RBBP8: variants seen among roughly 807,000 people sequenced by gnomAD.
RBBP8 encodes the protein RB binding protein 8, endonuclease.
In RBBP8, 88 loss-of-function variants were observed where a neutral mutation model predicts 108.3. The ratio of observed to expected loss-of-function variants is 0.81; its 90% confidence interval spans 0.68 to 0.97. The LOEUF (loss-of-function observed/expected upper bound fraction) is 0.97, where lower values mean the gene tolerates loss of function less well. Among genes scored for constraint, RBBP8 ranks in the 50% least tolerant of loss-of-function variants. The pLI is 0.00. For missense variants in RBBP8, 1,023 were observed against 1,049.0 expected (o/e 0.98, Z 0.34); for synonymous variants, 332 against 348.2 (o/e 0.95, Z 0.52).
At chr18:22,952,925 A>G (rs970707178) in intron 4 of RBBP8, among the ~76,000 whole-genome samples, 1 of 152,196 alleles carries the variant, frequency 6.6e-6, no homozygotes, top group African/African-American at 2.4e-5. Flanking sequence ...TAACGCCAAG[A>G]GATTAGGAAT....
At chr18:22,961,985 C>G (rs1913142682) in intron 4 of RBBP8, among the ~76,000 whole-genome samples, 1 of 152,192 alleles carries the variant, frequency 6.6e-6, no homozygotes, top group South Asian at 2.1e-4. Flanking sequence ...AATTACCTTC[C>G]TAATTTCTGA....
intron 10 of RBBP8, 112 bp downstream of exon 10, chr18:22,991,161 G>C: frequency 2.4e-6 from 2 of 828,026 alleles, no homozygotes; most frequent in South Asian, 2.9e-5. Context: ...TGTTATTGTG[G>C]TTATATAAAT....
intron 5 of RBBP8, 150 bp downstream of exon 5, chr18:22,969,068 G>A: frequency 1.6e-6 from 1 of 631,810 alleles, no homozygotes; most frequent in South Asian, 1.9e-5. Flanking sequence ...ACTTTTTGTA[G>A]ATTTAATCTC....
rs553271641 is a variant in RBBP8, at chr18:23,001,729, A to G, written c.2287A>G (p.Thr763Ala). ...ELSTATKKLH[T>A]HGDKQDKVKQ... is the part of the protein sequence containing the mutation. ...GTCTACTGCCACAAAGAAACTACAC[A>G]GTAAGATTTTTTTCTGTTTAATTAT... Residue 763 changes from threonine to alanine, a missense_variant and splice_region_variant, in exon 15 of 19, where the codon ACT (threonine) becomes GCT (alanine). Coordinates refer to ENST00000327155, the MANE Select transcript of RBBP8 (RefSeq NM_002894.3). 17 of 1,614,172 alleles carry G rather than the reference A, an allele frequency of 1.1e-5. No individual in the cohort carries two copies. In the South Asian group the frequency reaches 1.4e-4, roughly 14 times the overall value.
chr18:22,958,337 T>C (rs4800442), intron 4 of RBBP8, among the ~76,000 whole-genome samples: 74,729 of 152,156 alleles, frequency 0.49, 21,720 homozygotes, highest in Middle Eastern at 0.67. Context: ...AAATTGTTTC[T>C]AATGTCCAGA....
intron 18 of RBBP8, among the ~76,000 whole-genome samples, chr18:23,023,929 A>C (rs1428780754): frequency 7.6e-6 from 1 of 132,140 alleles, no homozygotes; most frequent in Non-Finnish European, 1.5e-5. Flanking sequence ...CTGGAGTGCA[A>C]ATGGCACAAT....
rs369347618 is a variant in RBBP8, at chr18:23,022,273, G to A, written c.2596+3G>A. 5.9e-5 allele frequency: 94 copies of A among 1,605,212 alleles called. No homozygotes were observed. The African/African-American group carries it at 1.0e-3, about 18-fold the overall frequency. On this transcript the variant is annotated splice_donor_region_variant and intron_variant, in intron 18 of 18. Coordinates refer to ENST00000327155, the MANE Select transcript of RBBP8 (RefSeq NM_002894.3). ...CACTCAGACTTGTATGGAAAGAGGTGAGAGTATAGATTGTAACATTTTATA... is the reference window on the plus strand; with the variant it reads ...CACTCAGACTTGTATGGAAAGAGGTAAGAGTATAGATTGTAACATTTTATA...
At chr18:22,934,463 A>G (rs1327433954) in intron 1 of RBBP8, among the ~76,000 whole-genome samples, 3 of 152,186 alleles carry the variant, frequency 2.0e-5, no homozygotes, top group Non-Finnish European at 2.9e-5. Flanking sequence ...TTGACTTAAT[A>G]GAAATCGTTT....
At chr18:22,994,014 C>CTTTTTTTTTTTTTTTTT (rs777055614) in intron 12 of RBBP8, among the ~76,000 whole-genome samples, 167 bp downstream of exon 12, 1 of 75,104 alleles carries the variant, frequency 1.3e-5, no homozygotes, top group Non-Finnish European at 2.3e-5. Context: ...TTTTTCTGTT[C>CTTTTTTTTTTTTTTTTT]TTTTTTTTTT....
At chr18:22,953,354 A>G (rs1418510363) in intron 4 of RBBP8, among the ~76,000 whole-genome samples, 6 of 152,224 alleles carry the variant, frequency 3.9e-5, no homozygotes, top group Non-Finnish European at 7.3e-5. Context: ...ATGACTGGCC[A>G]ACTTATATTG....
At chr18:22,925,292 T>C (rs551488790) in intron 3 of RBBP8, among the ~76,000 whole-genome samples, 2 of 152,228 alleles carry the variant, frequency 1.3e-5, no homozygotes, top group Non-Finnish European at 2.9e-5. Context: ...GATTATAACT[T>C]ACATAAAACT....
chr18:22,978,049 T>C (rs927325599), intron 6 of RBBP8, among the ~76,000 whole-genome samples: 2 of 152,228 alleles, frequency 1.3e-5, no homozygotes, highest in African/African-American at 4.8e-5. Flanking sequence ...AGTGGAGCAG[T>C]ACTGCCACCT....
chr18:22,994,275 G>A (rs1186515500), intron 12 of RBBP8, among the ~76,000 whole-genome samples: 4 of 148,470 alleles, frequency 2.7e-5, no homozygotes, highest in Admixed American at 6.7e-5. Context: ...CACCAGCGTC[G>A]GCCTCCCAAA....
chr18:22,956,292 A>G (rs1912532317), intron 4 of RBBP8, among the ~76,000 whole-genome samples: 1 of 152,022 alleles, frequency 6.6e-6, no homozygotes, highest in Non-Finnish European at 1.5e-5. Flanking sequence ...TAAAAGCAAC[A>G]TGTATTTTGT....
At chr18:22,920,724 A>C (rs1909560925) in intron 3 of RBBP8, 1 of 152,184 alleles carries the variant, frequency 6.6e-6, no homozygotes, top group South Asian at 2.1e-4. Context: ...TAACCTAGCA[A>C]TGTTTCTCAA....
chr18:22,976,250 A>G (rs148116406), intron 6 of RBBP8, among the ~76,000 whole-genome samples: 1,579 of 152,260 alleles, frequency 0.01, 23 homozygotes, highest in African/African-American at 0.036. Context: ...ACTGATAGCC[A>G]AAGGGAATTT....
At chr18:23,012,685 A>T (rs890261920) in intron 16 of RBBP8, among the ~76,000 whole-genome samples, 1 of 152,252 alleles carries the variant, frequency 6.6e-6, no homozygotes, top group East Asian at 1.9e-4. Flanking sequence ...AATGGCAAGT[A>T]CTGATATAGA....
intron 18 of RBBP8, among the ~76,000 whole-genome samples, chr18:23,025,933 T>C (rs540324719): frequency 1.2e-3 from 179 of 152,342 alleles, no homozygotes; most frequent in African/African-American, 4.0e-3. Flanking sequence ...AGATGATATA[T>C]GTAACCATTT....
At position 22,993,391 on chromosome 18, in the gene RBBP8, T is replaced by G; in HGVS notation, c.1564T>G (p.Tyr522Asp). ...AAACAAATTTAGGCAAGTGACTCTT[T>G]ATGAGGCTTTGAAGACCATTCCAAA... ...SKNKFRQVTL[Y>D]EALKTIPKGF... Residue 522 changes from tyrosine (Y) to aspartate (D), a missense_variant, in exon 11 of 19, where the codon TAT becomes GAT. Transcript: ENST00000327155. The G allele has an allele frequency of 1.2e-6, 2 of 1,614,226 alleles. No homozygotes were observed. Among genetic ancestry groups the G allele is most frequent in the Non-Finnish European group, 8.5e-7 (1 of 1,180,034 alleles).
Sources: gnomAD v4.1 joint callset for allele counts (sites outside exome capture counted in the v4.1 genomes callset) on GRCh38, gnomAD v4.1.1 for gene constraint, MANE v1.5 for transcripts, NCBI Gene and HGNC (gene_info 2026-07-23, HGNC 2026-07-21) for gene names.